The following CHRNA7 variants were observed in gnomAD, a reference collection of about 807,000 sequenced individuals.
CHRNA7 encodes the protein cholinergic receptor nicotinic alpha 7 subunit.
A neutral mutation model predicts 48.0 loss-of-function variants in CHRNA7; 17 were observed. The ratio of observed to expected loss-of-function variants is 0.35; its 90% CI spans 0.24 to 0.53. The LOEUF (loss-of-function observed/expected upper bound fraction) is 0.53, where lower values mean the gene tolerates loss of function less well. Ranked by LOEUF, CHRNA7 falls within the 20% of genes least tolerant of loss-of-function variation. CHRNA7 has a pLI of 0.92. For missense variants in CHRNA7, 155 were observed against 577.7 expected (o/e 0.27, Z 7.50); for synonymous variants, 75 against 242.3 (o/e 0.31, Z 6.41).
At chr15:32,031,315 A>T (rs1481545152) in intron 2 of CHRNA7, among the ~76,000 whole-genome samples, 1 of 152,228 alleles carries the variant, frequency 6.6e-6, no homozygotes, top group Admixed American at 6.5e-5. Context: ...CTCTCAGGTT[A>T]GAAACTCAAG....
intron 4 of CHRNA7, among the ~76,000 whole-genome samples, chr15:32,112,871 A>G (rs536898463): frequency 6.6e-6 from 1 of 151,950 alleles, no homozygotes; most frequent in African/African-American, 2.4e-5. Context: ...GGCCGGCCAC[A>G]TTTCACTTGA....
At chr15:32,124,933 A>C (rs1309702837) in intron 4 of CHRNA7, among the ~76,000 whole-genome samples, 2 of 152,226 alleles carry the variant, frequency 1.3e-5, no homozygotes, top group Admixed American at 1.3e-4. Context: ...CTCCCCAGAC[A>C]TCAGATCCGT....
intron 4 of CHRNA7, among the ~76,000 whole-genome samples, chr15:32,131,215 A>G (rs2051150972): frequency 6.6e-6 from 1 of 152,032 alleles, no homozygotes; most frequent in Non-Finnish European, 1.5e-5. Flanking sequence ...CTGTAGATGT[A>G]TATCTTTTGC....
chr15:32,141,359 G>A (rs1474322863), intron 4 of CHRNA7, among the ~76,000 whole-genome samples: 1 of 152,166 alleles, frequency 6.6e-6, no homozygotes, highest in Non-Finnish European at 1.5e-5. Flanking sequence ...GTAATGTGAT[G>A]CCTCCAGCTT....
intron 2 of CHRNA7, among the ~76,000 whole-genome samples, chr15:32,077,089 A>G (rs1162348346): frequency 6.6e-6 from 1 of 151,836 alleles, no homozygotes; most frequent in Admixed American, 6.6e-5. Flanking sequence ...ACATAGTAAT[A>G]TGCATTTAAA....
chr15:32,117,577 C>CT (rs1198228012), intron 4 of CHRNA7, among the ~76,000 whole-genome samples: 7 of 152,072 alleles, frequency 4.6e-5, no homozygotes, highest in East Asian at 3.9e-4. Flanking sequence ...AGTCCTAGGA[C>CT]TTGAGGGTCC....
At chr15:32,033,091 A>T (rs1346973252) in intron 2 of CHRNA7, among the ~76,000 whole-genome samples, 2 of 152,146 alleles carry the variant, frequency 1.3e-5, no homozygotes, top group Non-Finnish European at 1.5e-5. Context: ...GCCAGAGGTC[A>T]TGGGAAGGGG....
At chr15:32,093,214 A>C (rs2050411046) in intron 2 of CHRNA7, among the ~76,000 whole-genome samples, 2 of 152,080 alleles carry the variant, frequency 1.3e-5, no homozygotes, top group Admixed American at 1.3e-4. Context: ...TCTTCCTATC[A>C]CTACCCATTG....
chr15:32,114,728 C>A (rs1168466225), intron 4 of CHRNA7, among the ~76,000 whole-genome samples: 3 of 152,244 alleles, frequency 2.0e-5, no homozygotes, highest in African/African-American at 7.2e-5. Flanking sequence ...TCTATTGCTA[C>A]AGAACAAACT....
intron 4 of CHRNA7, among the ~76,000 whole-genome samples, chr15:32,146,256 T>C (rs1467083206): frequency 1.3e-5 from 2 of 152,326 alleles, no homozygotes; most frequent in African/African-American, 4.8e-5. Flanking sequence ...GAAAAATCAG[T>C]TGATGTTATT....
chr15:32,090,092 G>A (rs1317521330), intron 2 of CHRNA7, among the ~76,000 whole-genome samples: 1 of 152,152 alleles, frequency 6.6e-6, no homozygotes, highest in Non-Finnish European at 1.5e-5. Flanking sequence ...ATTGTAGTAG[G>A]CCTGTGTGTC....
chr15:32,107,259 A>G (rs761409659), intron 3 of CHRNA7, among the ~76,000 whole-genome samples: 15 of 152,176 alleles, frequency 9.9e-5, no homozygotes, highest in Non-Finnish European at 1.3e-4. Flanking sequence ...TAAAGGGCTC[A>G]GTCTCACTTC....
At chr15:32,127,648 G>T (rs915970368) in intron 4 of CHRNA7, among the ~76,000 whole-genome samples, 1 of 152,064 alleles carries the variant, frequency 6.6e-6, no homozygotes, top group Non-Finnish European at 1.5e-5. Flanking sequence ...TAGTTAGATT[G>T]TGTGGGGTTT....
intron 4 of CHRNA7, among the ~76,000 whole-genome samples, chr15:32,121,694 G>A (rs117638796): frequency 0.028 from 4,306 of 152,324 alleles, 91 homozygotes; most frequent in Non-Finnish European, 0.04. Context: ...CCGGGTTTGT[G>A]CCTGAGGTCC....
chr15:32,097,448 G>A (rs954734567), intron 2 of CHRNA7, among the ~76,000 whole-genome samples: 8 of 152,028 alleles, frequency 5.3e-5, no homozygotes, highest in Admixed American at 1.3e-4. Flanking sequence ...GAGACCTCCC[G>A]CGCCCCTTCC....
chr15:32,088,038 A>G (rs1013131090), intron 2 of CHRNA7, among the ~76,000 whole-genome samples: 1 of 152,164 alleles, frequency 6.6e-6, no homozygotes, highest in South Asian at 2.1e-4. Context: ...TCTTGTATTC[A>G]CCATTACAAT....
rs192549749 is a variant in CHRNA7, at chr15:32,086,651, G to A, written c.196-14652G>A. The stretch of plus-strand genomic sequence containing the variant: ...ACGATCCCATCCAGGAGTCCATGTA[G>A]CATTTAGTCCTTGTGTCTTTTTAGG... On this transcript the variant is annotated intron_variant, in intron 2 of 9. Coordinates refer to ENST00000306901, the MANE Select transcript of CHRNA7 (RefSeq NM_000746.6). 3.3e-3 allele frequency among the ~76,000 whole-genome samples: 502 copies of A among 152,222 alleles called. 2 individuals are homozygous for A. Among genetic ancestry groups the A allele is most frequent in the Admixed American group, 7.1e-3 (109 of 15,288 alleles).
intron 3 of CHRNA7, among the ~76,000 whole-genome samples, chr15:32,110,709 A>G (rs1458930306): frequency 6.6e-6 from 1 of 152,154 alleles, no homozygotes; most frequent in Non-Finnish European, 1.5e-5. Context: ...TGTTTTCGTA[A>G]CTTTGCGTCA....
intron 2 of CHRNA7, among the ~76,000 whole-genome samples, chr15:32,073,410 G>T (rs1420814468): frequency 6.6e-6 from 1 of 152,194 alleles, no homozygotes; most frequent in Admixed American, 6.5e-5. Flanking sequence ...ATAGGTCAAA[G>T]AAATTTGCCT....
Sources: allele counts gnomAD v4.1 joint callset (sites outside exome capture counted in the v4.1 genomes callset), GRCh38; gene constraint gnomAD v4.1.1; transcripts MANE v1.5; gene names NCBI Gene and HGNC (gene_info 2026-07-23, HGNC 2026-07-21).